Variants in HS6ST3 observed in about 807,000 individuals in gnomAD.
The protein encoded by HS6ST3 is heparan-sulfate 6-O-sulfotransferase 3.
In HS6ST3, 12 loss-of-function variants were observed where a neutral mutation model predicts 36.7. The ratio of observed to expected loss-of-function variants is 0.33; its 90% CI spans 0.21 to 0.53. The LOEUF is 0.53. Ranked by LOEUF, HS6ST3 falls within the 20% of genes least tolerant of loss-of-function variation. HS6ST3 has a pLI of 0.95. For synonymous variants in HS6ST3, 240 were observed against 257.5 expected (o/e 0.93, Z 0.65); for missense variants, 584 against 640.9 (o/e 0.91, Z 0.96).
intron 1 of HS6ST3, among the ~76,000 whole-genome samples, chr13:96,500,357 C>A (rs531928507): frequency 2.0e-5 from 3 of 152,200 alleles, no homozygotes; most frequent in African/African-American, 7.2e-5. Context: ...ATTGTTTCTA[C>A]CTTCTGGCTG....
rs577518899 is a variant in HS6ST3 at position 96,502,005 on chromosome 13, C to A, written c.708-330485C>A. Among the ~76,000 whole-genome samples, 28 of 152,292 alleles carry A rather than the reference C, an allele frequency of 1.8e-4. 1 individual carries two copies. The South Asian group carries it at 5.4e-3, about 29-fold the overall frequency. On this transcript the variant is annotated intron_variant, in intron 1 of 1. Coordinates refer to ENST00000376705, the MANE Select transcript of HS6ST3 (RefSeq NM_153456.4). The stretch of plus-strand genomic sequence containing the variant: ...TTCTCTCTTTAGACCTATAGCCAAA[C>A]ATATGGGCCATAAATTGTATCTTTG...
chr13:96,839,202 A>T lies in HS6ST3; in HGVS notation c.*6004A>T, dbSNP rs760535338. 1 of 149,604 alleles carries T rather than the reference A, an allele frequency of 6.7e-6. No individual in the cohort carries two copies. The highest frequency in any genetic ancestry group is 2.5e-5 in the African/African-American group (1 of 40,530). 9.3% of individuals were successfully genotyped at this position (149,604 alleles called of 1,614,324 possible). A position where few individuals can be genotyped will look rare whatever the true frequency, so the allele number is the denominator to read the frequency against. On this transcript the variant is annotated 3_prime_UTR_variant, in exon 2 of 2. Coordinates refer to ENST00000376705, the MANE Select transcript of HS6ST3 (RefSeq NM_153456.4). ...ACATTTATTTGTTAATCATATGATC[A>T]TTTTTTTTTCACTTTCCTTTTTTTC... is the stretch of plus-strand genomic sequence containing the variant.
chr13:96,602,822 G>T (rs892217876), intron 1 of HS6ST3, among the ~76,000 whole-genome samples: 8 of 152,224 alleles, frequency 5.3e-5, no homozygotes, highest in African/African-American at 1.9e-4. Flanking sequence ...CCCAACGTTG[G>T]AGTCCAAGGT....
chr13:96,700,319 T>C (rs965979927), intron 1 of HS6ST3, among the ~76,000 whole-genome samples: 2 of 152,052 alleles, frequency 1.3e-5, no homozygotes, highest in African/African-American at 4.8e-5. Context: ...TCGTGAGACT[T>C]ATTCACTACC....
chr13:96,378,706 C>G (rs1188890662), intron 1 of HS6ST3, among the ~76,000 whole-genome samples: 1 of 152,164 alleles, frequency 6.6e-6, no homozygotes, highest in African/African-American at 2.4e-5. Flanking sequence ...AGGCACAGGG[C>G]TGTGTCTGCT....
chr13:96,218,006 A>G (rs1182809716), intron 1 of HS6ST3, among the ~76,000 whole-genome samples: 1 of 152,202 alleles, frequency 6.6e-6, no homozygotes, highest in African/African-American at 2.4e-5. Flanking sequence ...ATGCATGAAT[A>G]CATTTTCATG....
At chr13:96,172,469 T>G (rs1309898903) in intron 1 of HS6ST3, among the ~76,000 whole-genome samples, 4 of 152,204 alleles carry the variant, frequency 2.6e-5, no homozygotes, top group Non-Finnish European at 5.9e-5. Context: ...TAGCATTGGG[T>G]CCTCTTATTA....
intron 1 of HS6ST3, among the ~76,000 whole-genome samples, chr13:96,557,841 C>A (rs1225223674): frequency 1.3e-5 from 2 of 152,160 alleles, no homozygotes; most frequent in Non-Finnish European, 2.9e-5. Flanking sequence ...GGAAGTCAGA[C>A]AGTTAAGTTT....
intron 1 of HS6ST3, among the ~76,000 whole-genome samples, chr13:96,223,719 G>T (rs990663533): frequency 6.6e-6 from 1 of 152,016 alleles, no homozygotes; most frequent in Admixed American, 6.6e-5. Context: ...CTAACTTGGG[G>T]GATGGTAGAA....
intron 1 of HS6ST3, among the ~76,000 whole-genome samples, chr13:96,673,358 G>A (rs896245392): frequency 4.6e-5 from 7 of 152,236 alleles, no homozygotes; most frequent in African/African-American, 1.7e-4. Context: ...ATTAGGAACC[G>A]ATATCTTCGG....
intron 1 of HS6ST3, among the ~76,000 whole-genome samples, chr13:96,241,616 T>A (rs2054560414): frequency 6.6e-6 from 1 of 151,166 alleles, no homozygotes; most frequent in Non-Finnish European, 1.5e-5. Flanking sequence ...TCAATAAAAA[T>A]TAAATTTACC....
chr13:96,158,676 TAGAG>T (rs1230212169), intron 1 of HS6ST3, among the ~76,000 whole-genome samples: 2 of 72,240 alleles, frequency 2.8e-5, no homozygotes, highest in African/African-American at 5.0e-5. Flanking sequence ...AAAAAAAAAA[TAGAG>T]AAGAAGAGAG....
intron 1 of HS6ST3, among the ~76,000 whole-genome samples, chr13:96,399,130 TAC>T (rs1350973635): frequency 6.6e-6 from 1 of 152,240 alleles, no homozygotes; most frequent in Non-Finnish European, 1.5e-5. Context: ...ATAACTAATA[TAC>T]ACATCAAGTC....
At chr13:96,522,679 TTGTG>T (rs142706328) in intron 1 of HS6ST3, among the ~76,000 whole-genome samples, 1 of 150,054 alleles carries the variant, frequency 6.7e-6, no homozygotes, top group East Asian at 2.0e-4. Context: ...ACCCCTGCTT[TTGTG>T]TGTGTGTGTG....
At chr13:96,270,115 A>G (rs1177147993) in intron 1 of HS6ST3, among the ~76,000 whole-genome samples, 1 of 151,822 alleles carries the variant, frequency 6.6e-6, no homozygotes, top group Non-Finnish European at 1.5e-5. Flanking sequence ...TTATATACCC[A>G]TTCCTTGTAA....
chr13:96,432,100 C>G (rs2055618529), intron 1 of HS6ST3, among the ~76,000 whole-genome samples: 1 of 152,124 alleles, frequency 6.6e-6, no homozygotes, highest in Non-Finnish European at 1.5e-5. Context: ...TGGAAACTTC[C>G]ATTTCTTTTT....
chr13:96,502,280 T>G (rs2056007716), intron 1 of HS6ST3, among the ~76,000 whole-genome samples: 1 of 152,208 alleles, frequency 6.6e-6, no homozygotes, highest in Non-Finnish European at 1.5e-5. Context: ...ATTGACGGAT[T>G]TGATTTCTAC....
chr13:96,474,610 A>C (rs1044967719), intron 1 of HS6ST3, among the ~76,000 whole-genome samples: 13 of 152,192 alleles, frequency 8.5e-5, no homozygotes, highest in Non-Finnish European at 1.6e-4. Context: ...GTTTAATGTA[A>C]TACGTTAATA....
intron 1 of HS6ST3, among the ~76,000 whole-genome samples, chr13:96,292,945 A>G (rs1318665663): frequency 6.6e-6 from 1 of 152,202 alleles, no homozygotes; most frequent in Admixed American, 6.6e-5. Flanking sequence ...TTCTCAAGTC[A>G]TATATTTAGT....
Sources: gnomAD v4.1 joint callset for allele counts (sites outside exome capture counted in the v4.1 genomes callset) on GRCh38, gnomAD v4.1.1 for gene constraint, MANE v1.5 for transcripts, NCBI Gene and HGNC (gene_info 2026-07-23, HGNC 2026-07-21) for gene names.